Variants in ANXA8 observed in about 807,000 individuals in gnomAD.
ANXA8 encodes annexin A8.
In ANXA8, 9 loss-of-function variants were observed where a neutral mutation model predicts 26.8. The observed-to-expected ratio is 0.34, with a 90% CI of 0.20 to 0.59. ANXA8 has a LOEUF of 0.59. Ranked by LOEUF, ANXA8 falls within the 20% of genes least tolerant of loss-of-function variation. ANXA8 has a pLI of 0.84. For missense variants in ANXA8, 83 were observed against 238.5 expected (o/e 0.35, Z 4.29); for synonymous variants, 39 against 94.8 (o/e 0.41, Z 3.42).
chr10:47,496,191 G>A, the ANXA8 span: 1 of 152,016 alleles, frequency 6.6e-6, no homozygotes, highest in Admixed American at 6.5e-5. Context: ...AGATTCCCAG[G>A]GAGCCCCACT....
the ANXA8 span, among the ~76,000 whole-genome samples, chr10:47,756,955 G>A: frequency 1.5e-5 from 2 of 137,370 alleles, no homozygotes; most frequent in African/African-American, 5.5e-5. Flanking sequence ...GGAGGGGCAG[G>A]GCCTGGTATT....
the ANXA8 span, among the ~76,000 whole-genome samples, chr10:47,671,288 G>T: frequency 6.6e-6 from 1 of 151,670 alleles, no homozygotes; most frequent in Non-Finnish European, 1.5e-5. Context: ...CGGGCTTGGT[G>T]GTGCGTGCCT....
At chr10:47,579,167 T>A in the ANXA8 span, among the ~76,000 whole-genome samples, 2 of 136,612 alleles carry the variant, frequency 1.5e-5, no homozygotes, top group African/African-American at 5.6e-5. Context: ...TGAGACAGGG[T>A]CTGGCTCTGT....
the ANXA8 span, among the ~76,000 whole-genome samples, chr10:47,952,298 G>A: frequency 1.5e-4 from 23 of 151,648 alleles, no homozygotes; most frequent in Admixed American, 6.6e-4. Context: ...AGGAAATACC[G>A]ACATAAGATT....
At chr10:47,533,185 T>TCACACACACACACACACA in the ANXA8 span, among the ~76,000 whole-genome samples, 1 of 102,394 alleles carries the variant, frequency 9.8e-6, no homozygotes, top group African/African-American at 4.0e-5. Flanking sequence ...TAAACACACA[T>TCACACACACACACACACA]CACACACACA....
At chr10:47,593,441 GC>G in the ANXA8 span, among the ~76,000 whole-genome samples, 1 of 149,810 alleles carries the variant, frequency 6.7e-6, no homozygotes, top group Non-Finnish European at 1.5e-5. Context: ...TCCCATAGGG[GC>G]CCAGAAAGCG....
the ANXA8 span, among the ~76,000 whole-genome samples, chr10:47,673,913 G>A: frequency 6.8e-6 from 1 of 147,778 alleles, no homozygotes. Context: ...TAATGTTTTG[G>A]GATCCCATTT....
chr10:47,702,343 CTTTT>C, the ANXA8 span, among the ~76,000 whole-genome samples: 1 of 140,124 alleles, frequency 7.1e-6, no homozygotes, highest in Non-Finnish European at 1.6e-5. Context: ...CTTTTCTTTT[CTTTT>C]TTTTTTTTTT....
chr10:47,487,078 C>T (rs1322133109), upstream of ANXA8: 4 of 691,536 alleles, frequency 5.8e-6, no homozygotes, highest in East Asian at 8.3e-5. Flanking sequence ...ATAGACACCC[C>T]AAACACCCTG....
At chr10:47,940,657 G>A in the ANXA8 span, among the ~76,000 whole-genome samples, 9 of 148,016 alleles carry the variant, frequency 6.1e-5, no homozygotes, top group South Asian at 2.1e-4. Context: ...GTGAAACACC[G>A]TCTCTACTAC....
chr10:47,703,745 A>G, the ANXA8 span, among the ~76,000 whole-genome samples: 1 of 150,000 alleles, frequency 6.7e-6, no homozygotes, highest in Admixed American at 6.6e-5. Flanking sequence ...CCAGCTTACT[A>G]GAGGGAAAAT....
At chr10:47,676,148 AAGTC>A in the ANXA8 span, among the ~76,000 whole-genome samples, 3 of 151,664 alleles carry the variant, frequency 2.0e-5, no homozygotes, top group African/African-American at 7.3e-5. Flanking sequence ...AAGACAGAAA[AAGTC>A]AGGGAGGGGT....
chr10:47,498,241 A>G, the ANXA8 span, among the ~76,000 whole-genome samples: 78 of 149,930 alleles, frequency 5.2e-4, no homozygotes, highest in African/African-American at 1.8e-3. Context: ...ACATAAGTGA[A>G]GGAACACCGT....
chr10:47,511,304 C>T, the ANXA8 span, among the ~76,000 whole-genome samples: 19 of 142,298 alleles, frequency 1.3e-4, 4 homozygotes, highest in Admixed American at 1.4e-4. Context: ...TACAAGAGCA[C>T]TTTATTGCAG....
the ANXA8 span, chr10:47,986,659 C>A: frequency 2.8e-6 from 1 of 362,776 alleles, no homozygotes; most frequent in African/African-American, 2.2e-5. Flanking sequence ...CACAGCGCTC[C>A]AGAAAACTGG....
chr10:47,748,633 TCTC>T, the ANXA8 span, among the ~76,000 whole-genome samples: 4 of 152,186 alleles, frequency 2.6e-5, no homozygotes, highest in Non-Finnish European at 5.9e-5. Flanking sequence ...TCCCTCCCTC[TCTC>T]CTCCTTCCTG....
chr10:47,626,675 G>A, the ANXA8 span, among the ~76,000 whole-genome samples: 3 of 150,166 alleles, frequency 2.0e-5, no homozygotes, highest in Non-Finnish European at 4.4e-5. Flanking sequence ...AGTGGCATCT[G>A]GTTCCCCAAC....
the ANXA8 span, among the ~76,000 whole-genome samples, chr10:47,951,073 AAAAC>A: frequency 6.7e-6 from 1 of 150,354 alleles, no homozygotes; most frequent in African/African-American, 2.5e-5. Flanking sequence ...AAAAAGTCAT[AAAAC>A]AAACTACCAA....
the ANXA8 span, among the ~76,000 whole-genome samples, chr10:47,722,827 GC>G: frequency 7.0e-6 from 1 of 142,342 alleles, no homozygotes; most frequent in African/African-American, 2.5e-5. Context: ...GCGGTAAGAG[GC>G]TGTTGCCTTA....
Sources: gnomAD v4.1 joint callset for allele counts (sites outside exome capture counted in the v4.1 genomes callset) on GRCh38, gnomAD v4.1.1 for gene constraint, MANE v1.5 for transcripts, NCBI Gene and HGNC (gene_info 2026-07-23, HGNC 2026-07-21) for gene names.